The following BMPR1A variants were observed in gnomAD, a reference collection of about 807,000 sequenced individuals.
The protein encoded by BMPR1A is bone morphogenetic protein receptor type 1A.
BMPR1A carries 7 observed loss-of-function variants against 66.0 expected under a neutral mutation model. The observed-to-expected ratio is 0.11, with a 90% CI of 0.06 to 0.20. The LOEUF is 0.20. BMPR1A is among the 10% of genes least tolerant of loss of function. The pLI is 1.00. For synonymous variants in BMPR1A, 200 were observed against 229.7 expected (o/e 0.87, Z 1.17); for missense variants, 408 against 669.1 (o/e 0.61, Z 4.31).
intron 7 of BMPR1A, among the ~76,000 whole-genome samples, chr10:86,904,819 T>C (rs1009658780): frequency 2.0e-5 from 3 of 152,228 alleles, no homozygotes; most frequent in Non-Finnish European, 4.4e-5. Flanking sequence ...GAACTGGTCA[T>C]GTAGGCTTTT....
At chr10:86,923,318 AT>A in intron 11 of BMPR1A, 57 bp from the exon 12 acceptor site, 4 of 1,606,700 alleles carry the variant, frequency 2.5e-6, no homozygotes, top group Middle Eastern at 1.9e-4. Flanking sequence ...TGCTTACTAG[AT>A]TGGTATATCT....
At chr10:86,880,508 CT>C (rs1267234440) in intron 3 of BMPR1A, among the ~76,000 whole-genome samples, 33 of 152,170 alleles carry the variant, frequency 2.2e-4, no homozygotes, top group African/African-American at 8.0e-4. Context: ...TTTGTTTACT[CT>C]TCTAGTCACC....
At chr10:86,890,379 C>T (rs927701977) in intron 4 of BMPR1A, among the ~76,000 whole-genome samples, 155 bp downstream of exon 4, 1 of 151,708 alleles carries the variant, frequency 6.6e-6, no homozygotes, top group Non-Finnish European at 1.5e-5. Context: ...TATATTAGAA[C>T]ATTATTCCAT....
intron 3 of BMPR1A, among the ~76,000 whole-genome samples, chr10:86,878,340 A>T (rs1052290722): frequency 6.6e-6 from 1 of 152,236 alleles, no homozygotes; most frequent in African/African-American, 2.4e-5. Context: ...TTAGGTTTGA[A>T]CAGAAAAATG....
chr10:86,928,038 T>C (rs1843767954), downstream of BMPR1A: 1 of 172,160 alleles, frequency 5.8e-6, no homozygotes, highest in Non-Finnish European at 1.3e-5. Context: ...TGTTGAGATT[T>C]TTGTAATGAT....
At position 86,908,182 on chromosome 10, in the gene BMPR1A, C is replaced by T. The variant is rs142989340; in HGVS notation, c.531-4058C>T. Among the ~76,000 whole-genome samples, 774 of 152,168 alleles carry T rather than the reference C, an allele frequency of 5.1e-3. 3 individuals carry two copies. The highest frequency in any genetic ancestry group is 8.2e-3 in the Non-Finnish European group (556 of 67,998). ...TCATGCCACTGCACTCTAGCCCAAG[C>T]GACAGAACAAGGCCCTGCCTCTTCT... On this transcript the variant is annotated intron_variant, in intron 7 of 12. Transcript: ENST00000372037.
intron 8 of BMPR1A, among the ~76,000 whole-genome samples, chr10:86,916,861 C>T (rs901634547): frequency 1.3e-5 from 2 of 151,876 alleles, no homozygotes; most frequent in South Asian, 2.1e-4. Flanking sequence ...GGCATGGTGG[C>T]GGGTGTCTGT....
Position 86,900,059 on chromosome 10 carries a change from G to T in BMPR1A, c.463G>T (p.Val155Phe), listed in dbSNP as rs1589768221. Residue 155 changes from valine (V) to phenylalanine (F), a missense_variant, in exon 7 of 13, where the codon GTT (valine) becomes TTT (phenylalanine). Around this residue, in one of 5 missense-constraint regions of BMPR1A, gnomAD observed 174 missense variants for 265.1 expected, o/e 0.66. Coordinates refer to ENST00000372037, the MANE Select transcript of BMPR1A (RefSeq NM_004329.3). The part of the protein sequence containing the change: ...PFFDGSIRWL[V>F]LLISMAVCII... ...TTTTGATGGCAGCATTCGATGGCTG[G>T]TTTTGCTCATTTCTATGGCTGTCTG... is the stretch of plus-strand genomic sequence containing the variant. 6.2e-7 allele frequency: 1 copy of T among 1,614,110 alleles called. No individual in the cohort carries two copies. Among genetic ancestry groups the T allele is most frequent in the Non-Finnish European group, 8.5e-7 (1 of 1,180,038 alleles).
intron 1 of BMPR1A, among the ~76,000 whole-genome samples, chr10:86,799,469 T>TCTTCCTTCCTTCCTTCCTTCCTTC (rs4029467): frequency 1.3e-4 from 16 of 120,904 alleles, no homozygotes; most frequent in Admixed American, 3.3e-4. Context: ...TTCCTTCCTT[T>TCTTCCTTCCTTCCTTCCTTCCTTC]CTTCCTTCCT....
At chr10:86,773,211 T>A (rs1314758673) in intron 1 of BMPR1A, among the ~76,000 whole-genome samples, 2 of 151,956 alleles carry the variant, frequency 1.3e-5, no homozygotes, top group Non-Finnish European at 2.9e-5. Flanking sequence ...ATCAAGATGT[T>A]TCACATTTGA....
intron 8 of BMPR1A, among the ~76,000 whole-genome samples, chr10:86,912,749 CATCTGT>C (rs1843509707): frequency 6.6e-6 from 1 of 152,172 alleles, no homozygotes; most frequent in South Asian, 2.1e-4. Flanking sequence ...AGATTCCTTG[CATCTGT>C]AAGTTTAAAC....
intron 1 of BMPR1A, among the ~76,000 whole-genome samples, chr10:86,826,415 C>CACA (rs1161984040): frequency 6.6e-6 from 1 of 151,130 alleles, no homozygotes; most frequent in Non-Finnish European, 1.5e-5. Context: ...CAAGGAAACA[C>CACA]ACACACACAC....
intron 1 of BMPR1A, among the ~76,000 whole-genome samples, chr10:86,780,128 C>T (rs1223612521): frequency 6.6e-6 from 1 of 152,022 alleles, no homozygotes; most frequent in East Asian, 1.9e-4. Flanking sequence ...TGTGTCTGTT[C>T]AGATCATTTG....
chr10:86,806,127 G>T (rs987338359), intron 1 of BMPR1A, among the ~76,000 whole-genome samples: 2 of 152,100 alleles, frequency 1.3e-5, no homozygotes, highest in Admixed American at 1.3e-4. Flanking sequence ...TTCAGGTGAT[G>T]CATCTCTGGC....
chr10:86,912,575 G>T (rs1843507384), intron 8 of BMPR1A, among the ~76,000 whole-genome samples, 191 bp downstream of exon 8: 1 of 152,158 alleles, frequency 6.6e-6, no homozygotes, highest in Non-Finnish European at 1.5e-5. Context: ...AAGAAAAATA[G>T]AATAGTCAAG....
intron 1 of BMPR1A, among the ~76,000 whole-genome samples, chr10:86,764,862 G>A (rs577893590): frequency 3.1e-4 from 47 of 152,244 alleles, no homozygotes; most frequent in African/African-American, 1.1e-3. Context: ...ATCTCATTAT[G>A]CTTTTAAAAT....
intron 1 of BMPR1A, among the ~76,000 whole-genome samples, chr10:86,760,191 T>TTG: frequency 6.9e-6 from 1 of 144,222 alleles, no homozygotes; most frequent in South Asian, 2.5e-4. Flanking sequence ...TTTACCTGTT[T>TTG]TTTTTTTTTT....
intron 1 of BMPR1A, among the ~76,000 whole-genome samples, chr10:86,812,278 C>T (rs573655301): frequency 1.3e-5 from 2 of 152,236 alleles, no homozygotes; most frequent in Non-Finnish European, 2.9e-5. Flanking sequence ...TTTTGAAGTA[C>T]CCTCTTGAGA....
downstream of BMPR1A, chr10:86,928,655 T>G (rs1310570516): frequency 4.7e-5 from 7 of 149,970 alleles, no homozygotes; most frequent in African/African-American, 1.7e-4. Flanking sequence ...TTTGAGTGTT[T>G]CTTTTCAATC....
Sources: gnomAD v4.1 joint callset for allele counts (sites outside exome capture counted in the v4.1 genomes callset) on GRCh38, gnomAD v4.1.1 for gene constraint, gnomAD v4.1.1 regional missense constraint, MANE v1.5 for transcripts, NCBI Gene and HGNC (gene_info 2026-07-23, HGNC 2026-07-21) for gene names.